Variants in ABHD18 observed in about 807,000 individuals in gnomAD.
ABHD18 encodes cardiolipin-specific deacylase, mitochondrial.
ABHD18 carries 55 observed loss-of-function variants against 65.9 expected under a neutral mutation model. The observed-to-expected ratio is 0.84, with a 90% CI of 0.67 to 1.05. The LOEUF (loss-of-function observed/expected upper bound fraction) is 1.05. Among genes scored for constraint, ABHD18 ranks in the 50% least tolerant of loss-of-function variants. The pLI is 0.00. For missense variants in ABHD18, 533 were observed against 558.5 expected, an observed-to-expected ratio of 0.95 and a Z score of 0.46; for synonymous variants, 181 against 180.2, an observed-to-expected ratio of 1.00 and a Z score of -0.04.
At chr4:128,014,331 T>C (rs139863221) in intron 7 of ABHD18, among the ~76,000 whole-genome samples, 78 of 152,246 alleles carry the variant, frequency 5.1e-4, no homozygotes, top group African/African-American at 1.9e-3. Flanking sequence ...ATTAGGTATG[T>C]AATTTTTACC....
At position 128,037,417 on chromosome 4, in the gene ABHD18, T is replaced by A. The variant is rs1300704846; in HGVS notation, c.*1604T>A. ...GTGCAGTGGCATGATCTTGGCTCAC[T>A]GCGACCTCCGCCTCTCAGGTTCAAG... On this transcript the variant is annotated 3_prime_UTR_variant, in exon 13 of 13. Transcript: ENST00000645843. The A allele has an allele frequency of 6.6e-6, 1 of 151,862 alleles. No individual in the cohort carries two copies. The highest frequency in any genetic ancestry group is 1.5e-5 in the Non-Finnish European group (1 of 68,000). The allele number at this position is 151,862 out of a possible 1,614,324, so 9.4% of individuals were successfully genotyped here. A position where few individuals can be genotyped will look rare whatever the true frequency, so the allele number is the denominator to read the frequency against.
rs970478050 is a variant in ABHD18 at position 128,038,981 on chromosome 4, A to T, written c.*3168A>T. ...AAAGTGCAAAATAACTTTTCTTAGG[A>T]TTTTTTAATCTATTCCCCCCAAAAT... On this transcript the variant is annotated 3_prime_UTR_variant, in exon 13 of 13. Transcript: ENST00000645843. The T allele has an allele frequency of 6.6e-6, 1 of 151,444 alleles. No individual in the cohort carries two copies. Among genetic ancestry groups the T allele is most frequent in the Non-Finnish European group, 1.5e-5 (1 of 67,894 alleles). 9.4% of individuals were successfully genotyped at this position (151,444 alleles called of 1,614,324 possible). A position where few individuals can be genotyped will look rare whatever the true frequency, so the allele number is the denominator to read the frequency against.
At chr4:128,003,960 A>C (rs1428627215) in intron 4 of ABHD18, among the ~76,000 whole-genome samples, 10 of 150,658 alleles carry the variant, frequency 6.6e-5, no homozygotes, top group East Asian at 5.8e-4. Context: ...AAAAAAAAAA[A>C]AACAAAAAAA....
At chr4:127,978,915 C>T (rs928692973) in intron 1 of ABHD18, among the ~76,000 whole-genome samples, 2 of 152,010 alleles carry the variant, frequency 1.3e-5, no homozygotes, top group Non-Finnish European at 2.9e-5. Flanking sequence ...GTTGAAAAAT[C>T]GTAAGTTGAA....
rs1759107902 is a variant in ABHD18 at position 128,039,042 on chromosome 4, C to T, written c.*3229C>T. ...GTGTTCTCAAATACATAAATATACA[C>T]ATATACGTATATGTATACGTTTTAT... is the stretch of plus-strand genomic sequence containing the variant. On this transcript the variant is annotated 3_prime_UTR_variant, in exon 13 of 13. Transcript: ENST00000645843. The T allele has an allele frequency of 6.7e-6, 1 of 150,090 alleles. No homozygotes were observed. The highest frequency in any genetic ancestry group is 1.5e-5 in the Non-Finnish European group (1 of 67,704). The allele number at this position is 150,090 out of a possible 1,614,324, so 9.3% of individuals were successfully genotyped here. A position where few individuals can be genotyped will look rare whatever the true frequency, so the allele number is the denominator to read the frequency against.
chr4:128,026,564 C>G (rs1757396260), intron 10 of ABHD18, among the ~76,000 whole-genome samples: 1 of 151,630 alleles, frequency 6.6e-6, no homozygotes, highest in Non-Finnish European at 1.5e-5. Flanking sequence ...TTATTCAATT[C>G]TAGCTCTTAA....
chr4:128,021,347 A>G (rs914049380), intron 10 of ABHD18, 109 bp downstream of exon 10: 28 of 668,570 alleles, frequency 4.2e-5, no homozygotes, highest in Non-Finnish European at 5.5e-5. Context: ...ATAGCTGTAC[A>G]TACTATTTTT....
intron 1 of ABHD18, among the ~76,000 whole-genome samples, chr4:127,976,330 T>C (rs1439137037): frequency 1.3e-5 from 2 of 152,156 alleles, no homozygotes; most frequent in Admixed American, 6.6e-5. Flanking sequence ...GGGTACTAAC[T>C]TTGAATCTCA....
At chr4:127,985,514 C>T (rs1201107777) in intron 3 of ABHD18, among the ~76,000 whole-genome samples, 1 of 152,000 alleles carries the variant, frequency 6.6e-6, no homozygotes, top group Admixed American at 6.6e-5. Context: ...ACATTTCTCC[C>T]TGACCCTCAA....
intron 4 of ABHD18, among the ~76,000 whole-genome samples, chr4:127,999,430 C>T (rs1752304444): frequency 6.6e-6 from 1 of 152,074 alleles, no homozygotes; most frequent in African/African-American, 2.4e-5. Context: ...AAAACAATGA[C>T]AACATATTAG....
chr4:127,988,384 C>T (rs997838753), intron 3 of ABHD18, among the ~76,000 whole-genome samples: 17 of 152,098 alleles, frequency 1.1e-4, no homozygotes, highest in African/African-American at 3.4e-4. Flanking sequence ...CCACATGCCA[C>T]CACGTTCAGC....
At chr4:128,012,832 A>G (rs1406276483) in intron 7 of ABHD18, among the ~76,000 whole-genome samples, 1 of 151,558 alleles carries the variant, frequency 6.6e-6, no homozygotes, top group African/African-American at 2.4e-5. Flanking sequence ...TTGGGAGGCC[A>G]AGGTGGGTGG....
At chr4:128,026,751 G>T (rs1040728112) in intron 10 of ABHD18, among the ~76,000 whole-genome samples, 1 of 151,402 alleles carries the variant, frequency 6.6e-6, no homozygotes, top group Admixed American at 6.6e-5. Context: ...TGGTCCAAAA[G>T]ATTGTAATAC....
At chr4:127,977,694 A>G (rs1415336709) in intron 1 of ABHD18, among the ~76,000 whole-genome samples, 4 of 152,214 alleles carry the variant, frequency 2.6e-5, no homozygotes, top group Non-Finnish European at 5.9e-5. Flanking sequence ...ACAAACGAAT[A>G]AGTCTCTGCT....
At chr4:127,972,520 C>CTTTTTT (rs11286287) in intron 1 of ABHD18, among the ~76,000 whole-genome samples, 1 of 60,872 alleles carries the variant, frequency 1.6e-5, no homozygotes, top group Non-Finnish European at 2.9e-5. Context: ...CAGATATACT[C>CTTTTTT]TTTTTTTTTT....
chr4:128,016,153 C>A (rs1367689600), intron 7 of ABHD18, among the ~76,000 whole-genome samples: 1 of 151,670 alleles, frequency 6.6e-6, no homozygotes, highest in Non-Finnish European at 1.5e-5. Context: ...AGGGTTTTAT[C>A]CTATTGGTCA....
In ABHD18 at chr4:128,001,894, T is replaced by G. The variant is rs901692020; in HGVS notation, c.279-7026T>G. ...CCTGCCACTCAGAAGACCCTTTCAG[T>G]TTGAAAAAAACAGATAAATTTTCAT... On this transcript the variant is annotated intron_variant, in intron 4 of 12. Coordinates refer to ENST00000645843, the MANE Select transcript of ABHD18 (RefSeq NM_001358451.3). The G allele has an allele frequency of 3.9e-5, 41 of 1,063,064 alleles. No individual in the cohort carries two copies. In the East Asian group the frequency reaches 1.3e-3, roughly 33 times the overall value. 65.9% of individuals were successfully genotyped at this position (1,063,064 alleles called of 1,614,324 possible).
rs543189749 is a variant in ABHD18 at position 128,010,462 on chromosome 4, G to A, written c.443-1211G>A. Among the ~76,000 whole-genome samples the A allele has an allele frequency of 2.2e-4, 33 of 151,958 alleles. 1 individual carries two copies. In the East Asian group the frequency reaches 6.4e-3, roughly 29 times the overall value. ...GAGAATCACTTGAACCCAGGAGACA[G>A]GTTGCAGTGAGCCAAGATCACACCA... On this transcript the variant is annotated intron_variant, in intron 6 of 12. Coordinates refer to ENST00000645843, the MANE Select transcript of ABHD18 (RefSeq NM_001358451.3).
intron 1 of ABHD18, among the ~76,000 whole-genome samples, chr4:127,981,340 C>G (rs1216734000): frequency 2.6e-5 from 4 of 152,060 alleles, no homozygotes; most frequent in African/African-American, 9.7e-5. Flanking sequence ...CAAAAGAGCC[C>G]TTTAGTTGTT....
Sources: gnomAD v4.1 joint callset for allele counts (sites outside exome capture counted in the v4.1 genomes callset) on GRCh38, gnomAD v4.1.1 for gene constraint, MANE v1.5 for transcripts, NCBI Gene and HGNC (gene_info 2026-07-23, HGNC 2026-07-21) for gene names.